The following ZNF532 variants were observed in gnomAD, a reference collection of about 807,000 sequenced individuals.
ZNF532 encodes the protein zinc finger protein 532.
Under a neutral mutation model 89.3 loss-of-function variants are expected in ZNF532, and 22 were observed. The observed-to-expected ratio is 0.25, with a 90% confidence interval of 0.18 to 0.35. The LOEUF (loss-of-function observed/expected upper bound fraction) is 0.35, where lower values mean the gene tolerates loss of function less well. Ranked by LOEUF, ZNF532 falls within the 10% of genes least tolerant of loss-of-function variation. The pLI is 1.00. For synonymous variants in ZNF532, 606 were observed against 649.6 expected (o/e 0.93, Z 1.02); for missense variants, 1,132 against 1,643.4 (o/e 0.69, Z 5.38).
chr18:58,947,903 CAGTTGTCTTCAAA>C (rs1442271998), intron 5 of ZNF532, among the ~76,000 whole-genome samples, 151 bp from the exon 6 acceptor site: 2 of 152,140 alleles, frequency 1.3e-5, no homozygotes, highest in Non-Finnish European at 2.9e-5. Context: ...TGAGTAATGC[CAGTTGTCTTCAAA>C]AGTTTGTTTC....
chr18:58,922,799 T>C (rs1490518141), intron 3 of ZNF532, among the ~76,000 whole-genome samples: 2 of 152,186 alleles, frequency 1.3e-5, no homozygotes, highest in African/African-American at 4.8e-5. Context: ...ATCTGGCCTT[T>C]GGAGCTACCC....
Position 58,918,765 on chromosome 18 carries a change from A to G in ZNF532, c.478A>G (p.Arg160Gly). Reference sequence around the variant, plus strand: ...CAAGGAGGACATGCGATCAAGCTTCAGGTCGAATGTGTTGACGGGGTCGGC... The same window carrying G: ...CAAGGAGGACATGCGATCAAGCTTCGGGTCGAATGTGTTGACGGGGTCGGC... Reference protein sequence around the residue: ...PDKEDMRSSFRSNVLTGSAPQ... With the variant: ...PDKEDMRSSFGSNVLTGSAPQ... Residue 160 changes from arginine (R) to glycine (G), a missense_variant, in exon 3 of 10, where the codon AGG becomes GGG. This residue lies in a region of ZNF532 where 302 missense variants were observed against 319.8 expected (regional missense o/e 0.94). Coordinates refer to ENST00000591808, the MANE Select transcript of ZNF532 (RefSeq NM_001375912.1). 1 of 1,614,224 alleles carries G rather than the reference A, an allele frequency of 6.2e-7. No individual in the cohort carries two copies. Among genetic ancestry groups the G allele is most frequent in the Admixed American group, 1.7e-5 (1 of 60,026 alleles).
At chr18:58,894,263 G>C (rs1568262036) in intron 2 of ZNF532, among the ~76,000 whole-genome samples, 1 of 152,086 alleles carries the variant, frequency 6.6e-6, no homozygotes, top group Non-Finnish European at 1.5e-5. Context: ...TCAGGAGTTT[G>C]AGACCAGCCC....
In ZNF532 at chr18:58,963,603, ATGTGTGTGTGTGTGTGTGTGTGTGTG is replaced by A. The variant is rs60644289; in HGVS notation, c.3150+9822_3150+9847del. 5.5e-3 allele frequency among the ~76,000 whole-genome samples: 787 copies of A among 143,880 alleles called. 5 individuals carry two copies. The highest frequency in any genetic ancestry group is 0.013 in the African/African-American group (487 of 38,100). 94.4% of individuals were successfully genotyped at this position (143,880 alleles called of 152,430 possible). A position where few individuals can be genotyped will look rare whatever the true frequency, so the allele number is the denominator to read the frequency against. On this transcript the variant is annotated intron_variant, in intron 7 of 9. Coordinates refer to ENST00000591808, the MANE Select transcript of ZNF532 (RefSeq NM_001375912.1). ...CTTGCACAGTATTTAAAAGAAAAAAATGTGTGTGTGTGTGTGTGTGTGTGTGTGTGTGTGTGTGTGTGTATGTATAT... is the reference window on the plus strand; with the variant it reads ...CTTGCACAGTATTTAAAAGAAAAAAATGTGTGTGTGTGTGTGTATGTATAT...
chr18:58,949,305 G>A (rs952288902), intron 6 of ZNF532, among the ~76,000 whole-genome samples: 1 of 152,086 alleles, frequency 6.6e-6, no homozygotes, highest in African/African-American at 2.4e-5. Flanking sequence ...ATATCCATTG[G>A]CTTTCAGAGA....
intron 7 of ZNF532, among the ~76,000 whole-genome samples, chr18:58,958,182 G>GT (rs1263074008): frequency 2.6e-5 from 4 of 151,774 alleles, no homozygotes; most frequent in African/African-American, 9.7e-5. Context: ...ACTTTCAGTG[G>GT]TTTTTAACTT....
intron 2 of ZNF532, among the ~76,000 whole-genome samples, chr18:58,891,259 G>A (rs961276000): frequency 1.4e-4 from 22 of 152,120 alleles, no homozygotes; most frequent in African/African-American, 5.3e-4. Context: ...GCCTGGCCTG[G>A]TGGCTCACGC....
rs372510156 is a variant in ZNF532, at chr18:58,983,947, G to A, written c.3412-25G>A. 1.6e-5 allele frequency: 26 copies of A among 1,587,856 alleles called. No individual in the cohort carries two copies. The African/African-American group carries it at 3.1e-4, about 19-fold the overall frequency. ...ACCGTGAAGGATGGTTTTCAGTCGT[G>A]TCATTTGCTTTCTTTCCCTGAAAGG... On this transcript the variant is annotated intron_variant, in intron 9 of 9. Coordinates refer to ENST00000591808, the MANE Select transcript of ZNF532 (RefSeq NM_001375912.1).
intron 2 of ZNF532, among the ~76,000 whole-genome samples, chr18:58,867,618 T>A (rs2056595539): frequency 6.6e-6 from 1 of 152,184 alleles, no homozygotes; most frequent in African/African-American, 2.4e-5. Context: ...CCTGTCACCG[T>A]GGAGCCCAGA....
At chr18:58,951,963 T>C (rs2064251823) in intron 6 of ZNF532, among the ~76,000 whole-genome samples, 1 of 152,112 alleles carries the variant, frequency 6.6e-6, no homozygotes, top group South Asian at 2.1e-4. Flanking sequence ...TCAGCCCCCT[T>C]TTATGGGCCA....
At chr18:58,877,506 A>T (rs1044764781) in intron 2 of ZNF532, among the ~76,000 whole-genome samples, 6 of 152,242 alleles carry the variant, frequency 3.9e-5, no homozygotes, top group African/African-American at 1.4e-4. Context: ...CTGTTGCATG[A>T]GTTCAGTTTT....
chr18:58,940,923 T>TACACACACACAC (rs200614911), intron 5 of ZNF532, among the ~76,000 whole-genome samples: 3,563 of 118,526 alleles, frequency 0.03, 118 homozygotes, highest in African/African-American at 0.064. Context: ...TGCCATATTT[T>TACACACACACAC]ACACACACAC....
intron 2 of ZNF532, among the ~76,000 whole-genome samples, chr18:58,917,949 C>T (rs758510219): frequency 1.7e-4 from 26 of 152,312 alleles, no homozygotes; most frequent in South Asian, 6.2e-4. Context: ...GAAAGGGACA[C>T]ATTTTCTAGT....
At chr18:58,936,243 A>T (rs960539719) in intron 4 of ZNF532, among the ~76,000 whole-genome samples, 1 of 152,256 alleles carries the variant, frequency 6.6e-6, no homozygotes, top group Non-Finnish European at 1.5e-5. Flanking sequence ...AGGATAATCA[A>T]AGGTGCCCCA....
At chr18:58,923,058 G>A (rs780699382) in intron 3 of ZNF532, among the ~76,000 whole-genome samples, 6 of 152,090 alleles carry the variant, frequency 3.9e-5, no homozygotes, top group Non-Finnish European at 8.8e-5. Context: ...CAGGTCACCC[G>A]TTTGACGCGG....
At position 58,919,946 on chromosome 18, in the gene ZNF532, G is replaced by T; in HGVS notation, c.1659G>T (p.Gln553His). 6.2e-7 allele frequency: 1 copy of T among 1,613,906 alleles called. No homozygotes were observed. Among genetic ancestry groups the T allele is most frequent in the Non-Finnish European group, 8.5e-7 (1 of 1,179,848 alleles). The change falls in exon 3 of 10, where the codon CAG becomes CAT. Residue 553 changes from glutamine to histidine, a missense_variant. Coordinates refer to ENST00000591808, the MANE Select transcript of ZNF532 (RefSeq NM_001375912.1). This position sits in a 1 kb window ranked among gnomAD's most constrained non-coding sequence, Gnocchi z 6.1. ...CCAAACCTCAGCAACAAATAAAGCA[G>T]GCAATAATCAATGCAGCAGCCTCGC... ...VLTKPQQQIK[Q>H]AIINAAASQP...
chr18:58,888,785 A>ATT (rs1568246462), intron 2 of ZNF532, among the ~76,000 whole-genome samples: 1 of 43,058 alleles, frequency 2.3e-5, no homozygotes, highest in African/African-American at 1.2e-4. Flanking sequence ...ATATATATAT[A>ATT]AAATATATAT....
intron 2 of ZNF532, among the ~76,000 whole-genome samples, chr18:58,904,952 G>A (rs1049002119): frequency 6.6e-6 from 1 of 150,566 alleles, no homozygotes; most frequent in Non-Finnish European, 1.5e-5. Context: ...AGCAGTTCTC[G>A]TGCCTCAGCC....
chr18:58,929,977 A>G (rs1169532199), intron 3 of ZNF532, among the ~76,000 whole-genome samples: 2 of 152,322 alleles, frequency 1.3e-5, no homozygotes, highest in East Asian at 3.9e-4. Flanking sequence ...TAATTTGCTT[A>G]GCATCTGGGC....
Sources: gnomAD v4.1 joint callset for allele counts (sites outside exome capture counted in the v4.1 genomes callset) on GRCh38, gnomAD v4.1.1 for gene constraint, gnomAD v4.1.1 regional missense constraint, Gnocchi (gnomAD v3.1) non-coding constraint, MANE v1.5 for transcripts, NCBI Gene and HGNC (gene_info 2026-07-23, HGNC 2026-07-21) for gene names.